Variants in UNC13C observed in about 807,000 individuals in gnomAD.
UNC13C encodes protein unc-13 homolog C.
Under a neutral mutation model 245.4 loss-of-function variants are expected in UNC13C, and 174 were observed. That is an observed-to-expected ratio of 0.71 (90% CI 0.63 to 0.80). UNC13C has a LOEUF of 0.80. Ranked by LOEUF, UNC13C falls within the 30% of genes least tolerant of loss-of-function variation. The probability of loss-of-function intolerance (pLI) is 0.00; values close to 1 mark genes in which losing one functional copy is unlikely to be tolerated. For synonymous variants in UNC13C, 992 were observed against 895.1 expected (o/e 1.11, Z -1.93); for missense variants, 2,829 against 2,602.9 (o/e 1.09, Z -1.89).
chr15:54,355,096 C>A (rs1394979859), intron 17 of UNC13C, among the ~76,000 whole-genome samples: 2 of 152,112 alleles, frequency 1.3e-5, no homozygotes, highest in African/African-American at 4.8e-5. Context: ...AGAGAGTCCC[C>A]ACCAAGAAGG....
chr15:54,509,143 G>T (rs1894622282), intron 23 of UNC13C, among the ~76,000 whole-genome samples: 1 of 152,144 alleles, frequency 6.6e-6, no homozygotes, highest in Non-Finnish European at 1.5e-5. Flanking sequence ...AGGTTGCAGT[G>T]AGCCAAGATT....
At chr15:54,069,821 A>C (rs1898237109) in intron 2 of UNC13C, among the ~76,000 whole-genome samples, 1 of 152,232 alleles carries the variant, frequency 6.6e-6, no homozygotes, top group East Asian at 1.9e-4. Context: ...TTTTCTGTAG[A>C]TAGTGAAGAG....
chr15:54,341,976 A>C (rs77644661), intron 17 of UNC13C, among the ~76,000 whole-genome samples: 1 of 40,700 alleles, frequency 2.5e-5, no homozygotes, highest in African/African-American at 4.4e-5. Flanking sequence ...ACTCTGTCTC[A>C]AAAAAAAAAA....
At chr15:54,516,309 T>C (rs1894971733) in intron 24 of UNC13C, among the ~76,000 whole-genome samples, 1 of 152,164 alleles carries the variant, frequency 6.6e-6, no homozygotes, top group African/African-American at 2.4e-5. Flanking sequence ...ATGCCAGTAG[T>C]TCTTCTTGAA....
chr15:54,266,766 C>G (rs1220100705), intron 10 of UNC13C, among the ~76,000 whole-genome samples: 3 of 152,000 alleles, frequency 2.0e-5, no homozygotes, highest in Admixed American at 6.6e-5. Context: ...CATCAGTGCC[C>G]CAAAATATTC....
At chr15:53,949,289 A>T in the UNC13C span, among the ~76,000 whole-genome samples, 2 of 152,182 alleles carry the variant, frequency 1.3e-5, no homozygotes, top group Non-Finnish European at 2.9e-5. Flanking sequence ...AGTGTGCTAA[A>T]TCCCGGACTG....
At chr15:54,258,831 G>C (rs1033958748) in intron 8 of UNC13C, among the ~76,000 whole-genome samples, 1 of 152,220 alleles carries the variant, frequency 6.6e-6, no homozygotes, top group African/African-American at 2.4e-5. Context: ...AGATGAAGAA[G>C]CTAAAGTTGA....
intron 30 of UNC13C, among the ~76,000 whole-genome samples, chr15:54,584,482 G>C (rs1239063075): frequency 6.6e-6 from 1 of 152,164 alleles, no homozygotes; most frequent in African/African-American, 2.4e-5. Context: ...CAAATTAAAC[G>C]TGCAAAACTG....
chr15:54,475,281 TTTATTATTATTATTATTATTA>T lies in UNC13C; in HGVS notation c.4934-19304_4934-19284del, dbSNP rs60034401. Among the ~76,000 whole-genome samples the T allele has an allele frequency of 4.4e-4, 46 of 105,020 alleles. No homozygotes were observed. In the East Asian group the frequency reaches 0.017, roughly 39 times the overall value. 68.9% of individuals were successfully genotyped at this position (105,020 alleles called of 152,430 possible). On this transcript the variant is annotated intron_variant, in intron 19 of 32. Coordinates refer to ENST00000260323, the MANE Select transcript of UNC13C (RefSeq NM_001080534.3). ...ATAGTGAGAGGGGTATGGTTTTTTG[TTTATTATTATTATTATTATTA>T]TTATTATTATTATTATTATTATACT...
At chr15:54,374,937 G>T (rs555501775) in intron 17 of UNC13C, among the ~76,000 whole-genome samples, 1 of 152,292 alleles carries the variant, frequency 6.6e-6, no homozygotes, top group South Asian at 2.1e-4. Flanking sequence ...TATTTGTACT[G>T]CTCTATAAGA....
intron 19 of UNC13C, among the ~76,000 whole-genome samples, chr15:54,425,245 T>C (rs2095290063): frequency 6.6e-6 from 1 of 151,838 alleles, no homozygotes; most frequent in African/African-American, 2.4e-5. Context: ...CAGAGTTCAA[T>C]GACACCGTGA....
chr15:54,429,948 G>C (rs1320363528), intron 19 of UNC13C, among the ~76,000 whole-genome samples: 1 of 151,478 alleles, frequency 6.6e-6, no homozygotes, highest in African/African-American at 2.4e-5. Flanking sequence ...AAATGCATAT[G>C]GTACATCAAA....
chr15:53,907,366 G>T, the UNC13C span, among the ~76,000 whole-genome samples: 2 of 152,082 alleles, frequency 1.3e-5, no homozygotes, highest in Admixed American at 1.3e-4. Context: ...AAAAAGAAAG[G>T]ATATATTTAA....
chr15:53,926,746 A>AC, the UNC13C span, among the ~76,000 whole-genome samples: 144,504 of 152,186 alleles, frequency 0.95, 69,072 homozygotes, highest in East Asian at 1. Flanking sequence ...GGAAGAAGAT[A>AC]CCAATCTTTA....
intron 10 of UNC13C, among the ~76,000 whole-genome samples, chr15:54,284,695 CTCT>C (rs543685904): frequency 6.6e-5 from 10 of 152,162 alleles, no homozygotes; most frequent in Non-Finnish European, 1.2e-4. Flanking sequence ...GCTGATATCT[CTCT>C]TCTTAAGTGG....
intron 30 of UNC13C, among the ~76,000 whole-genome samples, chr15:54,569,083 T>C (rs1472089482): frequency 6.6e-6 from 1 of 152,196 alleles, no homozygotes; most frequent in Non-Finnish European, 1.5e-5. Flanking sequence ...TTTCTAAACT[T>C]TATAAATACG....
Position 54,338,577 on chromosome 15 carries a change from TATGTTCATTTA to T in UNC13C, c.4713+91_4713+101del, listed in dbSNP as rs2038651306. On this transcript the variant is annotated intron_variant, in intron 17 of 32. Coordinates refer to ENST00000260323, the MANE Select transcript of UNC13C (RefSeq NM_001080534.3). ...TTTAGCATAATAGTAAATAGAAAAGTATGTTCATTTAATTTCACATTAACTGCAAATTTGAG... is the reference window on the plus strand; with the variant it reads ...TTTAGCATAATAGTAAATAGAAAAGTATTTCACATTAACTGCAAATTTGAG... 4 of 1,413,264 alleles carry T rather than the reference TATGTTCATTTA, an allele frequency of 2.8e-6. No individual in the cohort carries two copies. The African/African-American group carries it at 5.7e-5, about 20-fold the overall frequency. The allele number at this position is 1,413,264 out of a possible 1,614,324, so 87.5% of individuals were successfully genotyped here.
At chr15:54,049,788 G>T in intron 2 of UNC13C, 1 of 253,636 alleles carries the variant, frequency 3.9e-6, no homozygotes. Flanking sequence ...TTCTCCATCT[G>T]GAGCCCAGGC....
At chr15:54,189,873 A>G (rs2034122955) in intron 4 of UNC13C, among the ~76,000 whole-genome samples, 2 of 152,256 alleles carry the variant, frequency 1.3e-5, no homozygotes, top group South Asian at 2.1e-4. Flanking sequence ...TAAAGATTCT[A>G]TTTTGGAAAA....
Sources: allele counts gnomAD v4.1 joint callset (sites outside exome capture counted in the v4.1 genomes callset), GRCh38; gene constraint gnomAD v4.1.1; transcripts MANE v1.5; gene names NCBI Gene and HGNC (gene_info 2026-07-23, HGNC 2026-07-21).